ZC3H11A: variants seen among roughly 807,000 people sequenced by gnomAD.
The protein encoded by ZC3H11A is zinc finger CCCH-type containing 11A.
Under a neutral mutation model 90.8 loss-of-function variants are expected in ZC3H11A, and 22 were observed. That is an observed-to-expected ratio of 0.24 (90% CI 0.17 to 0.35). ZC3H11A has a LOEUF of 0.35. Among genes scored for constraint, ZC3H11A ranks in the 10% least tolerant of loss-of-function variants. The probability of loss-of-function intolerance (pLI) is 1.00; values close to 1 mark genes in which losing one functional copy is unlikely to be tolerated. For synonymous variants in ZC3H11A, 294 were observed against 339.8 expected, an observed-to-expected ratio of 0.87 and a Z score of 1.48; for missense variants, 701 against 964.9, an observed-to-expected ratio of 0.73 and a Z score of 3.62.
chr1:203,839,472 A>G (rs78564343), intron 11 of ZC3H11A, among the ~76,000 whole-genome samples: 2,674 of 152,026 alleles, frequency 0.018, 72 homozygotes, highest in African/African-American at 0.057. Flanking sequence ...TTTCCTTCTC[A>G]TTGTGTTTGG....
chr1:203,812,796 C>T (rs1255333653), intron 2 of ZC3H11A, among the ~76,000 whole-genome samples: 1 of 151,734 alleles, frequency 6.6e-6, no homozygotes, highest in Non-Finnish European at 1.5e-5. Context: ...TTGCCAAGCT[C>T]GTCTTGAACT....
intron 1 of ZC3H11A, chr1:203,800,108 T>G: frequency 5.2e-6 from 8 of 1,536,132 alleles, no homozygotes; most frequent in Non-Finnish European, 7.0e-6. Context: ...TGTTCCCTTC[T>G]GCTGTAGCAG....
At chr1:203,798,427 G>A in intron 1 of ZC3H11A, 1 of 1,534,796 alleles carries the variant, frequency 6.5e-7, no homozygotes, top group Non-Finnish European at 8.7e-7. Context: ...TCCCACTTAG[G>A]GACTTCAACA....
At chr1:203,850,190 G>A in intron 15 of ZC3H11A, 164 bp downstream of exon 15, 1 of 698,540 alleles carries the variant, frequency 1.4e-6, no homozygotes, top group Non-Finnish European at 2.4e-6. Context: ...GGCAAAACGA[G>A]ATGAATTCTT....
chr1:203,833,925 CT>C, intron 10 of ZC3H11A, 72 bp downstream of exon 10: 1 of 1,529,318 alleles, frequency 6.5e-7, no homozygotes, highest in Non-Finnish European at 8.8e-7. Flanking sequence ...TCTCCAAACT[CT>C]TTTTATACAG....
intron 12 of ZC3H11A, 133 bp from the exon 13 acceptor site, chr1:203,847,051 C>G: frequency 2.1e-6 from 2 of 956,484 alleles, no homozygotes; most frequent in South Asian, 3.3e-5. Flanking sequence ...AAATGTTACC[C>G]TTTTGATCCT....
Position 203,802,830 on chromosome 1 carries a change from G to A in ZC3H11A, c.-332G>A, listed in dbSNP as rs1430641148. The A allele has an allele frequency of 6.6e-6, 1 of 152,342 alleles. No homozygotes were observed. The highest frequency in any genetic ancestry group is 1.5e-5 in the Non-Finnish European group (1 of 68,004). 9.4% of individuals were successfully genotyped at this position (152,342 alleles called of 1,614,324 possible). A position where few individuals can be genotyped will look rare whatever the true frequency, so the allele number is the denominator to read the frequency against. ...ATGGACTTAATCTCCCAGTAGTTGGGAGATGTTTTAAAAACACATGCTGTG... is the reference window on the plus strand; with the variant it reads ...ATGGACTTAATCTCCCAGTAGTTGGAAGATGTTTTAAAAACACATGCTGTG... On this transcript the variant is annotated 5_prime_UTR_variant, in exon 2 of 18. Coordinates refer to ENST00000367210, the MANE Select transcript of ZC3H11A (RefSeq NM_001376342.1).
At chr1:203,837,900 G>T in intron 10 of ZC3H11A, 66 bp from the exon 11 acceptor site, 2 of 1,475,132 alleles carry the variant, frequency 1.4e-6, no homozygotes, top group South Asian at 1.2e-5. Flanking sequence ...GTCTGTTTTT[G>T]TTTGTATTTC....
At chr1:203,835,503 T>A (rs1055086282) in intron 10 of ZC3H11A, 2 of 157,874 alleles carry the variant, frequency 1.3e-5, no homozygotes, top group African/African-American at 4.8e-5. Context: ...GTTCTAGATT[T>A]TAAGAGCAGT....
chr1:203,831,758 C>G lies in ZC3H11A; in HGVS notation c.798C>G (p.Leu266=). ...NVRTVVRTVT[L]STKQGEEPLV... ...GGACTGTGGTGAGGACAGTAACTCT[C>G]TCCACCAAACAAGGTAAGGTATAGA... is the stretch of plus-strand genomic sequence containing the variant. Residue 266 remains leucine (L), a synonymous_variant, in exon 9 of 18, where the codon CTC becomes CTG. Coordinates refer to ENST00000367210, the MANE Select transcript of ZC3H11A (RefSeq NM_001376342.1). 6.2e-7 allele frequency: 1 copy of G among 1,611,808 alleles called. No homozygotes were observed. The highest frequency in any genetic ancestry group is 1.3e-5 in the African/African-American group (1 of 75,022).
chr1:203,839,772 T>C (rs1685498887), intron 11 of ZC3H11A, among the ~76,000 whole-genome samples: 2 of 152,184 alleles, frequency 1.3e-5, no homozygotes, highest in South Asian at 4.1e-4. Context: ...TTTTTGCTTT[T>C]CAGATATAAA....
At chr1:203,829,351 T>C in intron 5 of ZC3H11A, 100 bp from the exon 6 acceptor site, 1 of 1,197,372 alleles carries the variant, frequency 8.4e-7, no homozygotes, top group Non-Finnish European at 1.2e-6. Context: ...TAAATGCTCA[T>C]AAGACAAATA....
intron 3 of ZC3H11A, 86 bp downstream of exon 3, chr1:203,817,210 T>C: frequency 8.8e-7 from 1 of 1,132,194 alleles, no homozygotes; most frequent in South Asian, 1.8e-5. Context: ...TAAGTTGTTT[T>C]TATTATATAT....
intron 3 of ZC3H11A, among the ~76,000 whole-genome samples, chr1:203,817,360 G>A (rs1399947827): frequency 6.7e-6 from 1 of 149,654 alleles, no homozygotes; most frequent in East Asian, 1.9e-4. Context: ...CACGTGGCAT[G>A]TAGTCATCAT....
chr1:203,836,008 T>C lies in ZC3H11A; in HGVS notation c.875-1958T>C, dbSNP rs143582046. ...GTATTTTAATATCTCAGCATGTATT[T>C]AGAGTACAAACCAAACCAGGGTTCC... On this transcript the variant is annotated intron_variant, in intron 10 of 17. Transcript: ENST00000367210. The C allele has an allele frequency of 2.9e-4, 45 of 155,692 alleles. 1 individual carries two copies. The East Asian group carries it at 7.8e-3, about 27-fold the overall frequency. 9.6% of individuals were successfully genotyped at this position (155,692 alleles called of 1,614,324 possible).
rs1372393128 is a variant in ZC3H11A at position 203,833,787 on chromosome 1, T to C, written c.812-4T>C. ...ATAGAGAAATTCTGCTTTTGCCATT[T>C]CAGGAGAAGAACCCTTGGTTAGATT... On this transcript the variant is annotated splice_polypyrimidine_tract_variant and splice_region_variant and intron_variant, in intron 9 of 17. Coordinates refer to ENST00000367210, the MANE Select transcript of ZC3H11A (RefSeq NM_001376342.1). 1 of 1,605,698 alleles carries C rather than the reference T, an allele frequency of 6.2e-7. No homozygotes were observed. The highest frequency in any genetic ancestry group is 8.5e-7 in the Non-Finnish European group (1 of 1,177,290).
intron 2 of ZC3H11A, among the ~76,000 whole-genome samples, chr1:203,812,151 A>T (rs886120220): frequency 6.6e-6 from 1 of 152,132 alleles, no homozygotes; most frequent in African/African-American, 2.4e-5. Flanking sequence ...GTACATGTGC[A>T]GGATGTGCAG....
intron 4 of ZC3H11A, among the ~76,000 whole-genome samples, chr1:203,820,619 G>A (rs1011692388): frequency 2.0e-5 from 3 of 151,754 alleles, no homozygotes; most frequent in South Asian, 2.1e-4. Flanking sequence ...CTGGGACAAC[G>A]GGCATGCCTC....
Position 203,852,633 on chromosome 1 carries a change from A to G in ZC3H11A, c.*234A>G. The stretch of plus-strand genomic sequence containing the variant: ...ATTGTTTATCATCTTTTGAGAAAAA[A>G]GTTCTGTCATACCCTTCTCTCCACA... On this transcript the variant is annotated 3_prime_UTR_variant, in exon 18 of 18. Transcript: ENST00000367210. 1.9e-6 allele frequency: 1 copy of G among 539,758 alleles called. No individual in the cohort carries two copies. Among genetic ancestry groups the G allele is most frequent in the Non-Finnish European group, 3.3e-6 (1 of 305,462 alleles). 33.4% of individuals were successfully genotyped at this position (539,758 alleles called of 1,614,324 possible).
Sources: allele counts gnomAD v4.1 joint callset (sites outside exome capture counted in the v4.1 genomes callset), GRCh38; gene constraint gnomAD v4.1.1; transcripts MANE v1.5; gene names NCBI Gene and HGNC (gene_info 2026-07-23, HGNC 2026-07-21).